UPK3B: variants seen among roughly 807,000 people sequenced by gnomAD.
UPK3B encodes uroplakin 3B.
Under a neutral mutation model 27.6 loss-of-function variants are expected in UPK3B, and 21 were observed. That is an observed-to-expected ratio of 0.76 (90% CI 0.54 to 1.10). The LOEUF (loss-of-function observed/expected upper bound fraction) is 1.10. Ranked by LOEUF, UPK3B falls within the 50% of genes least tolerant of loss-of-function variation. UPK3B has a pLI of 0.00. For missense variants in UPK3B, 306 were observed against 376.1 expected, an observed-to-expected ratio of 0.81 and a Z score of 1.54; for synonymous variants, 141 against 162.3, an observed-to-expected ratio of 0.87 and a Z score of 1.00.
intron 4 of UPK3B, 144 bp from the exon 5 acceptor site, chr7:76,513,803 G>C (rs1165618382): frequency 8.4e-7 from 1 of 1,192,442 alleles, no homozygotes; most frequent in Non-Finnish European, 1.2e-6. Flanking sequence ...AGGGACGGGG[G>C]GTGGGATCAG....
intron 4 of UPK3B, 79 bp from the exon 5 acceptor site, chr7:76,513,867 TG>T: frequency 6.3e-7 from 1 of 1,592,612 alleles, no homozygotes; most frequent in Non-Finnish European, 8.6e-7. Flanking sequence ...CCAGCGTGGG[TG>T]GGGAGGGAGC....
At chr7:76,513,866 G>T in intron 4 of UPK3B, 81 bp from the exon 5 acceptor site, 5 of 1,597,132 alleles carry the variant, frequency 3.1e-6, no homozygotes, top group Non-Finnish European at 4.3e-6. Context: ...GCCAGCGTGG[G>T]TGGGGAGGGA....
In UPK3B at chr7:76,510,622, C is replaced by T; in HGVS notation, c.-31C>T. 6.9e-7 allele frequency: 1 copy of T among 1,450,748 alleles called. No homozygotes were observed. Among genetic ancestry groups the T allele is most frequent in the Non-Finnish European group, 9.1e-7 (1 of 1,095,800 alleles). 89.9% of individuals were successfully genotyped at this position (1,450,748 alleles called of 1,614,324 possible). A position where few individuals can be genotyped will look rare whatever the true frequency, so the allele number is the denominator to read the frequency against. The stretch of plus-strand genomic sequence containing the variant: ...GTGCAGCCCGAAGCAGCCAGACCAG[C>T]CCCTGAGCCTCCCGGGTGCTGGCAG... On this transcript the variant is annotated 5_prime_UTR_variant, in exon 1 of 6. Transcript: ENST00000334348.
Position 76,515,095 on chromosome 7 carries a change from C to T in UPK3B, c.722C>T (p.Ser241Phe), listed in dbSNP as rs1316009830. ...GCCCCGGAGCAGCTGCGGATCGGCTCCTTCATGGGCAAGCGCTACATGACC... is the reference window on the plus strand; with the variant it reads ...GCCCCGGAGCAGCTGCGGATCGGCTTCTTCATGGGCAAGCGCTACATGACC... ...EEAPEQLRIG[S>F]FMGKRYMTHH... Residue 241 changes from serine to phenylalanine, a missense_variant, in exon 6 of 6, where the codon TCC becomes TTC. Around this residue, in one of 4 missense-constraint regions of UPK3B, gnomAD observed 174 missense variants for 166.6 expected, o/e 1.04. Transcript: ENST00000334348. 45 of 1,601,162 alleles carry T rather than the reference C, an allele frequency of 2.8e-5. No homozygotes were observed. The highest frequency in any genetic ancestry group is 3.6e-5 in the Non-Finnish European group (42 of 1,175,164).
In UPK3B at chr7:76,515,166, A is replaced by C. The variant is rs1636632; in HGVS notation, c.793A>C (p.Lys265Gln). The change falls in exon 6 of 6, where the codon AAG (lysine) becomes CAG (glutamine). Residue 265 changes from lysine (K) to glutamine (Q), a missense_variant. This residue lies in a region of UPK3B where 174 missense variants were observed against 166.6 expected (regional missense o/e 1.04). Transcript: ENST00000334348. ...REAATLPVGC[K>Q]PGLDPLPSLS... ...GGCCGCCACACTGCCGGTGGGCTGC[A>C]AGCCTGGCCTGGACCCCCTCCCCAG... 1 of 1,594,434 alleles carries C rather than the reference A, an allele frequency of 6.3e-7. No homozygotes were observed. Among genetic ancestry groups the C allele is most frequent in the East Asian group, 2.3e-5 (1 of 43,978 alleles).
chr7:76,514,315 C>T (rs570526751), intron 5 of UPK3B, among the ~76,000 whole-genome samples: 18 of 152,272 alleles, frequency 1.2e-4, no homozygotes, highest in Admixed American at 6.5e-4. Flanking sequence ...CCCGTGGTTT[C>T]GAGCTGGGCA....
chr7:76,513,284 C>T (rs887334446), intron 4 of UPK3B, 121 bp downstream of exon 4: 3 of 945,960 alleles, frequency 3.2e-6, no homozygotes, highest in African/African-American at 1.6e-5. Flanking sequence ...ATGTCCAAGT[C>T]GGGCCCAGCC....
At position 76,514,102 on chromosome 7, in the gene UPK3B, C is replaced by A. The variant is rs778755599; in HGVS notation, c.671+26C>A. 3 of 1,613,822 alleles carry A rather than the reference C, an allele frequency of 1.9e-6. No individual in the cohort carries two copies. In the East Asian group the frequency reaches 6.7e-5, roughly 36 times the overall value. On this transcript the variant is annotated intron_variant, in intron 5 of 5. Transcript: ENST00000334348. ...GTGAGTGGGGACACCCCCTCGGGCC[C>A]CTCTCCCACCCAGAACCCCTCTGTT... is the stretch of plus-strand genomic sequence containing the variant.
chr7:76,514,396 G>T (rs560987704), intron 5 of UPK3B, among the ~76,000 whole-genome samples: 2 of 152,024 alleles, frequency 1.3e-5, no homozygotes, highest in Non-Finnish European at 2.9e-5. Context: ...CATTGATGGG[G>T]CCAGCAGCCC....
Position 76,511,788 on chromosome 7 carries a change from A to G in UPK3B, c.367A>G (p.Ser123Gly), listed in dbSNP as rs1360724467. The G allele has an allele frequency of 6.3e-7, 1 of 1,581,686 alleles. No homozygotes were observed. Among genetic ancestry groups the G allele is most frequent in the East Asian group, 2.3e-5 (1 of 43,342 alleles). ...GCCCTGTGGCGACCCCATGGCGGGC[A>G]GCGGAGGCGCCCCCGTGCTGCGGGT... ...QLPCGDPMAGSGGAPVLRVGH... is the reference protein window; with the variant it reads ...QLPCGDPMAGGGGAPVLRVGH... Residue 123 changes from serine to glycine, a missense_variant, in exon 3 of 6, where the codon AGC becomes GGC. Coordinates refer to ENST00000334348, the MANE Select transcript of UPK3B (RefSeq NM_001347684.2).
In UPK3B at chr7:76,513,937, G is replaced by A; in HGVS notation, c.542-10G>A. The A allele has an allele frequency of 6.2e-7, 1 of 1,613,498 alleles. No homozygotes were observed. Among genetic ancestry groups the A allele is most frequent in the Non-Finnish European group, 8.5e-7 (1 of 1,179,756 alleles). On this transcript the variant is annotated splice_polypyrimidine_tract_variant and intron_variant, in intron 4 of 5. Transcript: ENST00000334348. ...GGGGCAGCCCCTCTGAGCAGCTGGT[G>A]TGTGTGCAGGGAAGACCCCCGGATC...
chr7:76,515,090 C>T lies in UPK3B; in HGVS notation c.717C>T (p.Ile239=), dbSNP rs765105785. The part of the protein sequence containing the change: ...WPEEAPEQLR[I]GSFMGKRYMT... Reference sequence around the variant, plus strand: ...AGGAGGCCCCGGAGCAGCTGCGGATCGGCTCCTTCATGGGCAAGCGCTACA... The same window carrying T: ...AGGAGGCCCCGGAGCAGCTGCGGATTGGCTCCTTCATGGGCAAGCGCTACA... Residue 239 remains isoleucine, a synonymous_variant, in exon 6 of 6, where the codon ATC becomes ATT. Coordinates refer to ENST00000334348, the MANE Select transcript of UPK3B (RefSeq NM_001347684.2). 1.4e-5 allele frequency: 23 copies of T among 1,600,170 alleles called. No individual in the cohort carries two copies. Among genetic ancestry groups the T allele is most frequent in the Admixed American group, 3.5e-5 (2 of 57,896 alleles).
At chr7:76,513,221 C>G in intron 4 of UPK3B, 58 bp downstream of exon 4, 1 of 1,504,016 alleles carries the variant, frequency 6.6e-7, no homozygotes, top group Admixed American at 1.7e-5. Flanking sequence ...TCTGGGCCGC[C>G]TCTGCTGAGC....
In UPK3B at chr7:76,515,086, G is replaced by T. The variant is rs140074133; in HGVS notation, c.713G>T (p.Arg238Leu). The T allele has an allele frequency of 6.3e-7, 1 of 1,599,954 alleles. No homozygotes were observed. The highest frequency in any genetic ancestry group is 1.1e-5 in the South Asian group (1 of 88,762). Residue 238 changes from arginine (R) to leucine (L), a missense_variant, in exon 6 of 6, where the codon CGG becomes CTG. Physicochemically the swap from Arg to Leu is moderately radical, Grantham distance 102. This residue lies in a region of UPK3B where 174 missense variants were observed against 166.6 expected (regional missense o/e 1.04). Coordinates refer to ENST00000334348, the MANE Select transcript of UPK3B (RefSeq NM_001347684.2). ...WWPEEAPEQL[R>L]IGSFMGKRYM... ...CCGGAGGAGGCCCCGGAGCAGCTGC[G>T]GATCGGCTCCTTCATGGGCAAGCGC...
At chr7:76,512,557 T>TC (rs1261684668) in intron 3 of UPK3B, among the ~76,000 whole-genome samples, 1 of 132,748 alleles carries the variant, frequency 7.5e-6, no homozygotes, top group East Asian at 2.3e-4. Flanking sequence ...CCCCGCCCCA[T>TC]CCCCCGCAGC....
rs890235521 is a variant in UPK3B at position 76,510,749 on chromosome 7, T to C, written c.85+12T>C. On this transcript the variant is annotated intron_variant, in intron 1 of 5. Coordinates refer to ENST00000334348, the MANE Select transcript of UPK3B (RefSeq NM_001347684.2). ...CAGCCTGAGCCTGGGTGAGTGGGGG[T>C]CCTGGATGGACGCGTCCAGCCAGAC... 2.0e-6 allele frequency: 3 copies of C among 1,537,472 alleles called. No homozygotes were observed. The highest frequency in any genetic ancestry group is 2.8e-5 in the African/African-American group (2 of 72,716).
At chr7:76,514,261 C>T (rs1358324754) in intron 5 of UPK3B, among the ~76,000 whole-genome samples, 185 bp downstream of exon 5, 1 of 152,156 alleles carries the variant, frequency 6.6e-6, no homozygotes, top group East Asian at 1.9e-4. Context: ...CCGTCTCGGC[C>T]TCCCAAAGTA....
At position 76,513,955 on chromosome 7, in the gene UPK3B, C is replaced by G; in HGVS notation, c.550C>G (p.Pro184Ala). 6.2e-7 allele frequency: 1 copy of G among 1,613,646 alleles called. No individual in the cohort carries two copies. Residue 184 changes from proline to alanine, a missense_variant, in exon 5 of 6, where the codon CCC (proline) becomes GCC (alanine). Transcript: ENST00000334348. ...AGCTGGTGTGTGTGCAGGGAAGACC[C>G]CCGGATCCATCGACACCTGGCCAGG... Reference protein sequence around the residue: ...DPITLHQGKTPGSIDTWPGRR... With the variant: ...DPITLHQGKTAGSIDTWPGRR...
Position 76,513,113 on chromosome 7 carries a change from G to T in UPK3B, c.491G>T (p.Gly164Val). 1 of 1,613,830 alleles carries T rather than the reference G, an allele frequency of 6.2e-7. No homozygotes were observed. The change falls in exon 4 of 6, where the codon GGC becomes GTC. Residue 164 changes from glycine to valine, a missense_variant. Gly to Val is a moderately radical substitution (Grantham distance 109). Transcript: ENST00000334348. ...AAGTTCCTCCTGATGGACACCAGGGGCTCACCCAGGGCTGAGACCAAGTGG... is the reference window on the plus strand; with the variant it reads ...AAGTTCCTCCTGATGGACACCAGGGTCTCACCCAGGGCTGAGACCAAGTGG... Reference protein sequence around the residue: ...RVKFLLMDTRGSPRAETKWSD... With the variant: ...RVKFLLMDTRVSPRAETKWSD...
Sources: allele counts gnomAD v4.1 joint callset (sites outside exome capture counted in the v4.1 genomes callset), GRCh38; gene constraint gnomAD v4.1.1; regional missense constraint gnomAD v4.1.1; transcripts MANE v1.5; gene names NCBI Gene and HGNC (gene_info 2026-07-23, HGNC 2026-07-21).